The following MCC variants were observed in gnomAD, a reference collection of about 807,000 sequenced individuals.
MCC encodes the protein MCC regulator of Wnt signaling pathway, also known as colorectal mutant cancer protein.
A neutral mutation model predicts 116.2 loss-of-function variants in MCC; 90 were observed. The ratio of observed to expected loss-of-function variants is 0.77; its 90% CI spans 0.65 to 0.92. MCC has a LOEUF of 0.92. Ranked by LOEUF, MCC falls within the 40% of genes least tolerant of loss-of-function variation. The probability of loss-of-function intolerance (pLI) is 0.00; values close to 1 mark genes in which losing one functional copy is unlikely to be tolerated. For missense variants in MCC, 1,516 were observed against 1,312.2 expected, an observed-to-expected ratio of 1.16 and a Z score of -2.40; for synonymous variants, 578 against 510.5, an observed-to-expected ratio of 1.13 and a Z score of -1.78.
intron 1 of MCC, among the ~76,000 whole-genome samples, chr5:113,399,066 C>A (rs1769607322): frequency 6.6e-6 from 1 of 152,100 alleles, no homozygotes; most frequent in South Asian, 2.1e-4. Flanking sequence ...CCACACTGGA[C>A]AGCACAAGTA....
chr5:113,250,974 CAAA>C (rs1764778950), intron 3 of MCC, among the ~76,000 whole-genome samples: 1 of 152,204 alleles, frequency 6.6e-6, no homozygotes, highest in Admixed American at 6.5e-5. Flanking sequence ...ACAGGTCACA[CAAA>C]GGATTTATAC....
chr5:113,200,129 G>A (rs1262911876), intron 3 of MCC, among the ~76,000 whole-genome samples: 3 of 152,112 alleles, frequency 2.0e-5, no homozygotes, highest in South Asian at 2.1e-4. Flanking sequence ...AGGAAGACAC[G>A]TAAAATTTAT....
intron 1 of MCC, among the ~76,000 whole-genome samples, chr5:113,423,809 A>T (rs1329636785): frequency 2.0e-5 from 3 of 152,152 alleles, no homozygotes; most frequent in African/African-American, 7.2e-5. Flanking sequence ...TTTATTTTCT[A>T]TAGTGGCTGA....
chr5:113,346,434 C>G (rs1329457997), intron 2 of MCC, among the ~76,000 whole-genome samples: 1 of 151,860 alleles, frequency 6.6e-6, no homozygotes, highest in Non-Finnish European at 1.5e-5. Context: ...CCCATCTCTA[C>G]TAAAAATACA....
intron 6 of MCC, among the ~76,000 whole-genome samples, chr5:113,118,709 T>C (rs116359736): frequency 0.014 from 2,083 of 152,356 alleles, 34 homozygotes; most frequent in Non-Finnish European, 0.017. Context: ...TTTCCTATAA[T>C]GGTGCTTACA....
At chr5:113,467,667 G>A (rs1170360709) in intron 1 of MCC, among the ~76,000 whole-genome samples, 1 of 152,128 alleles carries the variant, frequency 6.6e-6, no homozygotes, top group African/African-American at 2.4e-5. Context: ...GGCGACACGG[G>A]CTCTTTTTTG....
At chr5:113,465,135 G>A (rs551351038) in intron 1 of MCC, among the ~76,000 whole-genome samples, 1 of 149,610 alleles carries the variant, frequency 6.7e-6, no homozygotes, top group African/African-American at 2.4e-5. Context: ...ATGAGGAAGG[G>A]AGGCCACATA....
At chr5:113,177,559 A>G (rs995585211) in intron 3 of MCC, among the ~76,000 whole-genome samples, 3 of 152,228 alleles carry the variant, frequency 2.0e-5, no homozygotes, top group African/African-American at 7.2e-5. Context: ...ACTGAAATCA[A>G]TGATATAAGT....
chr5:113,057,665 C>A (rs1352754000), intron 14 of MCC, among the ~76,000 whole-genome samples: 1 of 152,202 alleles, frequency 6.6e-6, no homozygotes, highest in Non-Finnish European at 1.5e-5. Context: ...TCCAAAGGAC[C>A]CTCAGCATCT....
At chr5:113,480,414 G>T (rs1031490923) in intron 1 of MCC, among the ~76,000 whole-genome samples, 1 of 152,184 alleles carries the variant, frequency 6.6e-6, no homozygotes, top group Non-Finnish European at 1.5e-5. Flanking sequence ...GTTTAACATT[G>T]TGAAATCTGA....
intron 3 of MCC, among the ~76,000 whole-genome samples, chr5:113,231,377 C>G (rs1763936295): frequency 6.6e-6 from 1 of 152,134 alleles, no homozygotes; most frequent in African/African-American, 2.4e-5. Flanking sequence ...TAAAATCTGT[C>G]TTAGGACACA....
At chr5:113,352,073 A>G (rs937005540) in intron 2 of MCC, among the ~76,000 whole-genome samples, 1 of 152,210 alleles carries the variant, frequency 6.6e-6, no homozygotes, top group Non-Finnish European at 1.5e-5. Context: ...AAAATCAGTC[A>G]TAATAGCTTC....
chr5:113,111,467 A>G (rs1757093360), intron 6 of MCC, among the ~76,000 whole-genome samples: 1 of 152,184 alleles, frequency 6.6e-6, no homozygotes. Context: ...CAGCACCCTG[A>G]GCTCCTGGGA....
chr5:113,248,136 G>A (rs574688313), intron 3 of MCC, among the ~76,000 whole-genome samples: 40 of 151,960 alleles, frequency 2.6e-4, no homozygotes, highest in African/African-American at 9.6e-4. Flanking sequence ...AGGCTGACGT[G>A]GGAGGATTAC....
At chr5:113,341,360 T>G (rs995456829) in intron 2 of MCC, among the ~76,000 whole-genome samples, 1 of 152,014 alleles carries the variant, frequency 6.6e-6, no homozygotes, top group Non-Finnish European at 1.5e-5. Flanking sequence ...AAAAAAATTT[T>G]TTTTGTAGAC....
At chr5:113,154,483 C>T (rs1304015076) in intron 3 of MCC, among the ~76,000 whole-genome samples, 1 of 152,212 alleles carries the variant, frequency 6.6e-6, no homozygotes, top group African/African-American at 2.4e-5. Context: ...GAGGAGTGGA[C>T]TTCCCACCAC....
intron 15 of MCC, among the ~76,000 whole-genome samples, chr5:113,051,949 G>A (rs1049486959): frequency 6.6e-5 from 10 of 152,004 alleles, no homozygotes; most frequent in Non-Finnish European, 1.3e-4. Flanking sequence ...AGAGGAAAAG[G>A]GGACGGCTCT....
intron 1 of MCC, among the ~76,000 whole-genome samples, chr5:113,423,172 T>C (rs1219779096): frequency 6.6e-6 from 1 of 152,184 alleles, no homozygotes; most frequent in Non-Finnish European, 1.5e-5. Flanking sequence ...TAGTGTCACG[T>C]TTTTCATACC....
At chr5:113,153,254 G>T (rs1759985713) in intron 3 of MCC, among the ~76,000 whole-genome samples, 1 of 152,140 alleles carries the variant, frequency 6.6e-6, no homozygotes, top group Non-Finnish European at 1.5e-5. Context: ...GCCTAGACTT[G>T]CTTCCTTCCT....
Sources: allele counts gnomAD v4.1 joint callset (sites outside exome capture counted in the v4.1 genomes callset), GRCh38; gene constraint gnomAD v4.1.1; transcripts MANE v1.5; gene names NCBI Gene and HGNC (gene_info 2026-07-23, HGNC 2026-07-21).